Variants in NCKAP5 observed in about 807,000 individuals in gnomAD.
NCKAP5 encodes NCK associated protein 5, also known as nck-associated protein 5.
In NCKAP5, 92 loss-of-function variants were observed where a neutral mutation model predicts 167.0. That is an observed-to-expected ratio of 0.55 (90% CI 0.47 to 0.66). The LOEUF (loss-of-function observed/expected upper bound fraction) is 0.66, where lower values mean the gene tolerates loss of function less well. Among genes scored for constraint, NCKAP5 ranks in the 30% least tolerant of loss-of-function variants. The pLI, the probability that NCKAP5 is intolerant of heterozygous loss-of-function variation, is 0.00. For missense variants in NCKAP5, 2,378 were observed against 2,315.0 expected (o/e 1.03, Z -0.56); for synonymous variants, 891 against 877.4 (o/e 1.02, Z -0.27).
At chr2:133,645,709 C>T in the NCKAP5 span, among the ~76,000 whole-genome samples, 2 of 152,070 alleles carry the variant, frequency 1.3e-5, no homozygotes, top group Non-Finnish European at 2.9e-5. Flanking sequence ...AGACCTGACA[C>T]GTGGCACCTG....
intron 12 of NCKAP5, among the ~76,000 whole-genome samples, chr2:132,796,018 T>C (rs1347663622): frequency 2.0e-5 from 3 of 151,958 alleles, no homozygotes; most frequent in Admixed American, 6.6e-5. Context: ...AAATCTAACT[T>C]GAGAATATTT....
chr2:133,432,748 G>A (rs1219657256), intron 3 of NCKAP5, among the ~76,000 whole-genome samples: 1 of 152,082 alleles, frequency 6.6e-6, no homozygotes, highest in African/African-American at 2.4e-5. Flanking sequence ...CACAGTGCCT[G>A]GCATATAGAA....
chr2:133,647,551 G>A, the NCKAP5 span, among the ~76,000 whole-genome samples: 1 of 144,502 alleles, frequency 6.9e-6, no homozygotes, highest in Admixed American at 7.1e-5. Flanking sequence ...GAGGGAGGGA[G>A]GAAGGGAGGG....
At chr2:133,061,071 A>G (rs530472789) in intron 6 of NCKAP5, among the ~76,000 whole-genome samples, 9 of 126,308 alleles carry the variant, frequency 7.1e-5, no homozygotes, top group African/African-American at 2.0e-4. Flanking sequence ...ATATTAAAAA[A>G]AAAACAAAAC....
rs1268692625 is a variant in NCKAP5 at position 133,063,627 on chromosome 2, C to A, written c.341+66351G>T. ...TTTTTTTCCCAATAACTGCTGGCCT[C>A]TTTGTTCTAGAATAATCTGTAGGCT... On this transcript the variant is annotated intron_variant, in intron 6 of 19. Coordinates refer to ENST00000409261, the MANE Select transcript of NCKAP5 (RefSeq NM_207363.3). Among the ~76,000 whole-genome samples, 7 of 152,152 alleles carry A rather than the reference C, an allele frequency of 4.6e-5. No individual in the cohort carries two copies. In the East Asian group the frequency reaches 1.3e-3, roughly 29 times the overall value.
the NCKAP5 span, among the ~76,000 whole-genome samples, chr2:133,663,211 A>G: frequency 1.3e-5 from 2 of 149,170 alleles, no homozygotes; most frequent in Admixed American, 1.4e-4. Flanking sequence ...GCTTGCAGTG[A>G]GCCGAGATTG....
At chr2:132,836,292 A>G (rs570656030) in intron 11 of NCKAP5, among the ~76,000 whole-genome samples, 45 of 152,252 alleles carry the variant, frequency 3.0e-4, no homozygotes, top group Non-Finnish European at 5.0e-4. Flanking sequence ...GTAATTTATA[A>G]TTCATTGATG....
intron 1 of NCKAP5, among the ~76,000 whole-genome samples, chr2:133,561,475 C>A (rs575680539): frequency 6.6e-6 from 1 of 152,256 alleles, no homozygotes; most frequent in South Asian, 2.1e-4. Context: ...CATTTGCTTT[C>A]CTCTGATGAA....
At chr2:132,951,247 C>T (rs943235391) in intron 8 of NCKAP5, among the ~76,000 whole-genome samples, 9 of 152,186 alleles carry the variant, frequency 5.9e-5, no homozygotes, top group Admixed American at 1.3e-4. Context: ...GAAAGGGAGG[C>T]TGAGCCTGCC....
chr2:132,731,858 A>G lies in NCKAP5; in HGVS notation c.5322T>C (p.Pro1774=). Reference sequence around the variant, plus strand: ...CAGGGCGCTGGCCGTCTGTGGAGGAAGGCACTTCACGTTCAAGGGTTTGGG... The same window carrying G: ...CAGGGCGCTGGCCGTCTGTGGAGGAGGGCACTTCACGTTCAAGGGTTTGGG... ...MRAQTLEREV[P]SSTDGQRPAD... Residue 1774 remains proline (P), a synonymous_variant, in exon 17 of 20, where the codon CCT becomes CCC. Coordinates refer to ENST00000409261, the MANE Select transcript of NCKAP5 (RefSeq NM_207363.3). 1 of 1,613,940 alleles carries G rather than the reference A, an allele frequency of 6.2e-7. No individual in the cohort carries two copies. Among genetic ancestry groups the G allele is most frequent in the South Asian group, 1.1e-5 (1 of 91,070 alleles).
chr2:132,899,141 G>A lies in NCKAP5; in HGVS notation c.580-20225C>T, dbSNP rs373331662. Among the ~76,000 whole-genome samples the A allele has an allele frequency of 6.6e-5, 10 of 152,288 alleles. No homozygotes were observed. The East Asian group carries it at 1.4e-3, about 21-fold the overall frequency. ...AACTAGATCTTCTAAATAACTTGTT[G>A]CAGCTTTACATCTTTACATGAAGCA... On this transcript the variant is annotated intron_variant, in intron 8 of 19. Transcript: ENST00000409261.
At chr2:133,307,993 A>AGGAGGACAAGAGGGAAAGAAACAG (rs2150592934) in intron 3 of NCKAP5, among the ~76,000 whole-genome samples, 1 of 151,178 alleles carries the variant, frequency 6.6e-6, no homozygotes, top group Admixed American at 6.6e-5. Flanking sequence ...GATGGGCAGA[A>AGGAGGACAAGAGGGAAAGAAACAG]GGAGGACAAG....
chr2:133,369,277 C>T (rs879322305), intron 3 of NCKAP5, among the ~76,000 whole-genome samples: 10 of 152,204 alleles, frequency 6.6e-5, no homozygotes, highest in East Asian at 1.9e-4. Context: ...GCAGAACTAT[C>T]GAAGCAATGT....
chr2:132,848,833 C>T (rs1688869129), intron 11 of NCKAP5, among the ~76,000 whole-genome samples: 1 of 151,784 alleles, frequency 6.6e-6, no homozygotes, highest in Admixed American at 6.6e-5. Flanking sequence ...GACCTTGTCT[C>T]CAAAAGATAC....
intron 6 of NCKAP5, among the ~76,000 whole-genome samples, chr2:133,113,532 C>T (rs916145989): frequency 2.0e-5 from 3 of 152,162 alleles, no homozygotes; most frequent in Non-Finnish European, 2.9e-5. Flanking sequence ...GGCTTCACTC[C>T]GAGCCTCCTC....
At chr2:132,831,818 A>T (rs946793938) in intron 11 of NCKAP5, among the ~76,000 whole-genome samples, 1 of 152,124 alleles carries the variant, frequency 6.6e-6, no homozygotes, top group Non-Finnish European at 1.5e-5. Context: ...CCAAAAAATT[A>T]TAAACATACT....
At chr2:133,186,408 G>T (rs2084948094) in intron 5 of NCKAP5, among the ~76,000 whole-genome samples, 1 of 151,964 alleles carries the variant, frequency 6.6e-6, no homozygotes, top group South Asian at 2.1e-4. Context: ...ATATCGGCCT[G>T]CGGTTTTCTG....
rs1427161920 is a variant in NCKAP5 at position 133,236,446 on chromosome 2, G to A, written c.144-22667C>T. Among the ~76,000 whole-genome samples, 4 of 152,246 alleles carry A rather than the reference G, an allele frequency of 2.6e-5. No individual in the cohort carries two copies. In the South Asian group the frequency reaches 6.2e-4, roughly 24 times the overall value. ...AATATACAGGTTAATGACCTGTGAA[G>A]TGACCAGCATAATTAGGAACGCAAG... On this transcript the variant is annotated intron_variant, in intron 4 of 19. Coordinates refer to ENST00000409261, the MANE Select transcript of NCKAP5 (RefSeq NM_207363.3).
the NCKAP5 span, among the ~76,000 whole-genome samples, chr2:133,666,186 C>CTTTTTTTTTTT: frequency 6.5e-4 from 74 of 114,122 alleles, no homozygotes; most frequent in African/African-American, 2.2e-3. Context: ...GATCTACATC[C>CTTTTTTTTTTT]TTTTTTTTTT....
Sources: allele counts gnomAD v4.1 joint callset (sites outside exome capture counted in the v4.1 genomes callset), GRCh38; gene constraint gnomAD v4.1.1; transcripts MANE v1.5; gene names NCBI Gene and HGNC (gene_info 2026-07-23, HGNC 2026-07-21).